Variants in ZNF722 observed in about 807,000 individuals in gnomAD.
ZNF722 encodes zinc finger protein 479 pseudogene.
At chr7:64,005,592 T>C in the ZNF722 span, 1 of 1,001,378 alleles carries the variant, frequency 1.0e-6, no homozygotes, top group Non-Finnish European at 1.6e-6. Flanking sequence ...GTTTTTTGTT[T>C]TTGTTTTTGT....
chr7:64,015,019 G>A, the ZNF722 span: 1 of 1,287,038 alleles, frequency 7.8e-7, no homozygotes, highest in Non-Finnish European at 1.1e-6. Context: ...TGATTTTTAT[G>A]TCTTTCAGTT....
At chr7:64,013,919 T>G in the ZNF722 span, among the ~76,000 whole-genome samples, 1 of 152,044 alleles carries the variant, frequency 6.6e-6, no homozygotes, top group East Asian at 1.9e-4. Context: ...ATTCTCACAA[T>G]GAAGATTCTT....
At chr7:64,015,028 T>C in the ZNF722 span, 4 of 1,305,932 alleles carry the variant, frequency 3.1e-6, no homozygotes, top group African/African-American at 4.3e-5. Context: ...TGTCTTTCAG[T>C]TACGTGTTCT....
At chr7:63,999,423 T>G in the ZNF722 span, among the ~76,000 whole-genome samples, 1 of 152,238 alleles carries the variant, frequency 6.6e-6, no homozygotes, top group African/African-American at 2.4e-5. Flanking sequence ...GTAAAAATAT[T>G]AGAGAACTTG....
the ZNF722 span, among the ~76,000 whole-genome samples, chr7:64,010,404 A>G: frequency 6.6e-6 from 1 of 152,100 alleles, no homozygotes; most frequent in Non-Finnish European, 1.5e-5. Context: ...CCCTCTACAC[A>G]CTGCTTTAAA....
At chr7:64,009,294 G>C in the ZNF722 span, among the ~76,000 whole-genome samples, 1 of 152,092 alleles carries the variant, frequency 6.6e-6, no homozygotes, top group East Asian at 1.9e-4. Context: ...GAATAGGAGT[G>C]GTGAGAGGGC....
At chr7:64,004,426 ATATATAT>A in the ZNF722 span, among the ~76,000 whole-genome samples, 11 of 47,648 alleles carry the variant, frequency 2.3e-4, no homozygotes, top group African/African-American at 3.9e-4. Flanking sequence ...AAAAAAAAAA[ATATATAT>A]ATATATATAT....
the ZNF722 span, among the ~76,000 whole-genome samples, chr7:64,013,701 T>G: frequency 1.3e-5 from 2 of 152,096 alleles, no homozygotes; most frequent in Admixed American, 6.6e-5. Context: ...CCACGGAATT[T>G]TATTTTTTTA....
At chr7:64,015,611 A>C in the ZNF722 span, 2 of 1,613,762 alleles carry the variant, frequency 1.2e-6, no homozygotes, top group Non-Finnish European at 1.7e-6. Context: ...GGCGCTCCTC[A>C]ACACTTACTA....
At chr7:64,007,296 G>T in the ZNF722 span, among the ~76,000 whole-genome samples, 157 of 148,784 alleles carry the variant, frequency 1.1e-3, no homozygotes, top group Non-Finnish European at 1.8e-3. Flanking sequence ...CAACGTGCAG[G>T]TTTGTTACAT....
At chr7:64,008,834 C>T in the ZNF722 span, among the ~76,000 whole-genome samples, 1 of 152,178 alleles carries the variant, frequency 6.6e-6, no homozygotes, top group Non-Finnish European at 1.5e-5. Context: ...TTACCTTGGG[C>T]AGTATGGCCA....
At chr7:64,001,598 G>A in the ZNF722 span, among the ~76,000 whole-genome samples, 2 of 152,100 alleles carry the variant, frequency 1.3e-5, no homozygotes, top group South Asian at 2.1e-4. Flanking sequence ...CATTCATTGG[G>A]TATATTCCCA....
the ZNF722 span, among the ~76,000 whole-genome samples, chr7:64,000,235 A>G: frequency 6.7e-6 from 1 of 149,328 alleles, no homozygotes; most frequent in Non-Finnish European, 1.5e-5. Context: ...TGTTCATGCG[A>G]TTCTCCTGCC....
At chr7:63,999,154 C>A in the ZNF722 span, among the ~76,000 whole-genome samples, 1 of 152,306 alleles carries the variant, frequency 6.6e-6, no homozygotes, top group Admixed American at 6.5e-5. Flanking sequence ...TCCCCTCGAA[C>A]CGTAAGATGC....
At chr7:64,003,354 G>A in the ZNF722 span, among the ~76,000 whole-genome samples, 5 of 152,144 alleles carry the variant, frequency 3.3e-5, no homozygotes, top group African/African-American at 1.2e-4. Context: ...GCAAGTCTCG[G>A]TCTTTCTGCC....
At chr7:64,004,425 A>AAAATATATAT in the ZNF722 span, among the ~76,000 whole-genome samples, 113 of 61,088 alleles carry the variant, frequency 1.8e-3, 3 homozygotes, top group African/African-American at 8.3e-3. Flanking sequence ...AAAAAAAAAA[A>AAAATATATAT]ATATATATAT....
At chr7:64,017,647 T>C in the ZNF722 span, among the ~76,000 whole-genome samples, 1 of 152,182 alleles carries the variant, frequency 6.6e-6, no homozygotes. Flanking sequence ...GAAAAAACAT[T>C]TGTTCAAAAA....
chr7:64,013,151 A>C, the ZNF722 span, among the ~76,000 whole-genome samples: 7 of 152,250 alleles, frequency 4.6e-5, no homozygotes, highest in South Asian at 1.5e-3. Context: ...ATTCATACAC[A>C]GTATAATGTT....
chr7:64,015,482 A>T, the ZNF722 span: 11 of 1,612,212 alleles, frequency 6.8e-6, no homozygotes, highest in Non-Finnish European at 9.3e-6. Flanking sequence ...CTGGAGAGAA[A>T]CCCTACAGAT....
Sources: allele counts gnomAD v4.1 joint callset (sites outside exome capture counted in the v4.1 genomes callset), GRCh38; gene constraint gnomAD v4.1.1; transcripts MANE v1.5; gene names NCBI Gene and HGNC (gene_info 2026-07-23, HGNC 2026-07-21).